The following FUT9 variants were observed in gnomAD, a reference collection of about 807,000 sequenced individuals.
The protein encoded by FUT9 is fucosyltransferase 9.
Under a neutral mutation model 29.7 loss-of-function variants are expected in FUT9, and 15 were observed. The observed-to-expected ratio is 0.51, with a 90% CI of 0.34 to 0.78. The LOEUF (loss-of-function observed/expected upper bound fraction) is 0.78, where lower values mean the gene tolerates loss of function less well. FUT9 is among the 30% of genes least tolerant of loss of function. The pLI, the probability that FUT9 is intolerant of heterozygous loss-of-function variation, is 0.01. For missense variants in FUT9, 319 were observed against 425.4 expected, an observed-to-expected ratio of 0.75 and a Z score of 2.20; for synonymous variants, 169 against 153.7, an observed-to-expected ratio of 1.10 and a Z score of -0.74.
At chr6:96,172,311 C>T (rs1411494026) in intron 2 of FUT9, among the ~76,000 whole-genome samples, 2 of 152,126 alleles carry the variant, frequency 1.3e-5, no homozygotes, top group Admixed American at 6.6e-5. Context: ...TTGTAATCTG[C>T]GTGAGCTAAC....
At chr6:96,074,726 A>T (rs1462639547) in intron 1 of FUT9, among the ~76,000 whole-genome samples, 2 of 152,136 alleles carry the variant, frequency 1.3e-5, no homozygotes, top group Non-Finnish European at 2.9e-5. Flanking sequence ...AAATATTGTC[A>T]CTGTATAAAA....
chr6:96,199,920 C>A (rs1454850577), intron 2 of FUT9, among the ~76,000 whole-genome samples: 2 of 152,136 alleles, frequency 1.3e-5, no homozygotes, highest in African/African-American at 4.8e-5. Flanking sequence ...AAGCCCCTCA[C>A]AAAGCTTACA....
At chr6:96,136,595 A>G (rs1456129347) in intron 2 of FUT9, among the ~76,000 whole-genome samples, 2 of 152,004 alleles carry the variant, frequency 1.3e-5, no homozygotes, top group African/African-American at 2.4e-5. Flanking sequence ...TTTGAATACT[A>G]TGTATCCATT....
At chr6:96,188,029 T>C (rs1287074079) in intron 2 of FUT9, among the ~76,000 whole-genome samples, 2 of 152,074 alleles carry the variant, frequency 1.3e-5, no homozygotes, top group Non-Finnish European at 2.9e-5. Flanking sequence ...TCTAGATTCC[T>C]TCACTGTTCT....
intron 2 of FUT9, among the ~76,000 whole-genome samples, chr6:96,149,797 G>T (rs1473492585): frequency 6.6e-6 from 1 of 151,904 alleles, no homozygotes; most frequent in East Asian, 1.9e-4. Context: ...ATCAAATCAG[G>T]GTAATTGAGG....
intron 2 of FUT9, among the ~76,000 whole-genome samples, chr6:96,151,460 A>G (rs1253163700): frequency 6.6e-6 from 1 of 152,192 alleles, no homozygotes; most frequent in Non-Finnish European, 1.5e-5. Context: ...TCCTGTTATC[A>G]GGCCAAATGC....
intron 1 of FUT9, among the ~76,000 whole-genome samples, chr6:96,089,954 T>G (rs533973936): frequency 6.6e-6 from 1 of 152,270 alleles, no homozygotes; most frequent in Admixed American, 6.5e-5. Context: ...TAAGCCTGTA[T>G]AATTCTGAAA....
In FUT9 at chr6:96,025,403, G is replaced by A. The variant is rs184997666; in HGVS notation, c.-98+9191G>A. Among the ~76,000 whole-genome samples the A allele has an allele frequency of 1.5e-4, 23 of 151,770 alleles. 1 individual carries two copies. The highest frequency in any genetic ancestry group is 5.3e-4 in the Admixed American group (8 of 15,222). ...GCAAAGAAGTGAAGGACTGTCTATC[G>A]CCCAGTGGCCCATATAATTTGCAAA... On this transcript the variant is annotated intron_variant, in intron 1 of 2. Coordinates refer to ENST00000302103, the MANE Select transcript of FUT9 (RefSeq NM_006581.4).
chr6:96,038,690 G>A (rs1452630346), intron 1 of FUT9, among the ~76,000 whole-genome samples: 1 of 152,084 alleles, frequency 6.6e-6, no homozygotes, highest in African/African-American at 2.4e-5. Context: ...ATCCATCAAT[G>A]ACTTTTAATT....
chr6:96,062,690 GA>G (rs1479703048), intron 1 of FUT9, among the ~76,000 whole-genome samples: 1 of 152,174 alleles, frequency 6.6e-6, no homozygotes, highest in African/African-American at 2.4e-5. Context: ...AATTTCAGAA[GA>G]TTTTTTTCTT....
chr6:96,091,905 T>C (rs1367057068), intron 1 of FUT9, among the ~76,000 whole-genome samples: 2 of 152,128 alleles, frequency 1.3e-5, no homozygotes, highest in East Asian at 3.8e-4. Context: ...AAATAAAGTT[T>C]CCATACTAAT....
intron 2 of FUT9, among the ~76,000 whole-genome samples, chr6:96,131,355 C>T (rs1772241184): frequency 1.3e-5 from 2 of 152,008 alleles, no homozygotes; most frequent in South Asian, 4.1e-4. Flanking sequence ...TTCTTTCCTT[C>T]TCTTTCCATA....
chr6:96,021,736 G>A (rs1465432811), intron 1 of FUT9, among the ~76,000 whole-genome samples: 3 of 152,054 alleles, frequency 2.0e-5, no homozygotes, highest in Non-Finnish European at 4.4e-5. Context: ...GTATATGGCA[G>A]CATTTAAATA....
chr6:96,187,660 G>A (rs1773428448), intron 2 of FUT9, among the ~76,000 whole-genome samples: 1 of 151,946 alleles, frequency 6.6e-6, no homozygotes, highest in Non-Finnish European at 1.5e-5. Context: ...TGAGATCCAG[G>A]GAATTTGGAT....
At chr6:96,078,509 C>T (rs369645492) in intron 1 of FUT9, among the ~76,000 whole-genome samples, 1 of 146,056 alleles carries the variant, frequency 6.8e-6, no homozygotes, top group African/African-American at 2.5e-5. Context: ...CAAGCTCCGC[C>T]TCCTGGATTC....
At chr6:96,120,863 AAGG>A (rs1332491634) in intron 2 of FUT9, among the ~76,000 whole-genome samples, 9 of 152,080 alleles carry the variant, frequency 5.9e-5, no homozygotes, top group African/African-American at 2.2e-4. Flanking sequence ...TCTCCTCCAC[AAGG>A]AGAAGTAGAT....
intron 2 of FUT9, among the ~76,000 whole-genome samples, chr6:96,135,081 A>G (rs1241652761): frequency 6.6e-6 from 1 of 151,932 alleles, no homozygotes; most frequent in Admixed American, 6.6e-5. Context: ...GCTTGGAAAG[A>G]AAATTACTCT....
intron 2 of FUT9, among the ~76,000 whole-genome samples, chr6:96,120,434 C>T (rs1772003927): frequency 6.6e-6 from 1 of 150,482 alleles, no homozygotes; most frequent in African/African-American, 2.4e-5. Flanking sequence ...CCACGCCCAG[C>T]TAATTTTTTT....
At position 96,045,331 on chromosome 6, in the gene FUT9, A is replaced by G. The variant is rs151255361; in HGVS notation, c.-98+29119A>G. ...AGCTGAAATAAGCAAGTTGAAGTAT[A>G]AGGGAATAAGAGAAACTCTGAAAGT... On this transcript the variant is annotated intron_variant, in intron 1 of 2. Transcript: ENST00000302103. Among the ~76,000 whole-genome samples the G allele has an allele frequency of 4.1e-3, 621 of 152,338 alleles. 3 individuals carry two copies. Among genetic ancestry groups the G allele is most frequent in the South Asian group, 9.9e-3 (48 of 4,834 alleles).
Sources: gnomAD v4.1 joint callset for allele counts (sites outside exome capture counted in the v4.1 genomes callset) on GRCh38, gnomAD v4.1.1 for gene constraint, MANE v1.5 for transcripts, NCBI Gene and HGNC (gene_info 2026-07-23, HGNC 2026-07-21) for gene names.